The following SMG1 variants were observed in gnomAD, a reference collection of about 807,000 sequenced individuals.
The protein encoded by SMG1 is SMG1 nonsense mediated mRNA decay associated PI3K related kinase.
A neutral mutation model predicts 419.9 loss-of-function variants in SMG1; 22 were observed. That is an observed-to-expected ratio of 0.05 (90% CI 0.04 to 0.07). SMG1 has a LOEUF of 0.07. Ranked by LOEUF, SMG1 falls within the 10% of genes least tolerant of loss-of-function variation. The pLI is 1.00. For missense variants in SMG1, 3,185 were observed against 4,342.0 expected (o/e 0.73, Z 7.49); for synonymous variants, 1,538 against 1,553.5 (o/e 0.99, Z 0.23).
intron 30 of SMG1, 99 bp from the exon 31 acceptor site, chr16:18,853,966 C>T (rs1405931481): frequency 2.7e-6 from 3 of 1,111,112 alleles, no homozygotes; most frequent in East Asian, 2.6e-5. Flanking sequence ...GTGATGACAC[C>T]ACCATGTTGA....
At chr16:18,912,204 A>G (rs976117090) in intron 1 of SMG1, among the ~76,000 whole-genome samples, 13 of 150,414 alleles carry the variant, frequency 8.6e-5, no homozygotes, top group Admixed American at 5.3e-4. Flanking sequence ...TTTTTTTTGA[A>G]AAAGAAAAGG....
intron 39 of SMG1, among the ~76,000 whole-genome samples, chr16:18,844,284 C>G (rs1309287243): frequency 6.6e-6 from 1 of 151,810 alleles, no homozygotes; most frequent in Admixed American, 6.6e-5. Context: ...CAAAAATTAG[C>G]CAAGCATGGT....
rs1016474126 is a variant in SMG1 at position 18,807,730 on chromosome 16, G to A, written c.*1839C>T. 5.3e-5 allele frequency: 8 copies of A among 151,948 alleles called. No individual in the cohort carries two copies. The highest frequency in any genetic ancestry group is 1.9e-4 in the African/African-American group (8 of 41,346). 9.4% of individuals were successfully genotyped at this position (151,948 alleles called of 1,614,324 possible). On this transcript the variant is annotated 3_prime_UTR_variant, in exon 63 of 63. Transcript: ENST00000446231. ...CACTGTCCTAATCTCTAAAATGCAG[G>A]GAAAATGTACTCAAACAATTTTTTT...
At chr16:18,814,662 C>T in intron 60 of SMG1, among the ~76,000 whole-genome samples, 1 of 151,832 alleles carries the variant, frequency 6.6e-6, no homozygotes, top group East Asian at 1.9e-4. Flanking sequence ...GTAACCTCCA[C>T]CTCCCGGGTT....
rs780522672 is a variant in SMG1, at chr16:18,834,895, G to T, written c.8327C>A (p.Thr2776Lys). 3 of 1,612,556 alleles carry T rather than the reference G, an allele frequency of 1.9e-6. 1 individual carries two copies. The Admixed American group carries it at 5.0e-5, about 27-fold the overall frequency. The change falls in exon 49 of 63, where the codon ACA becomes AAA. Residue 2776 changes from threonine to lysine, a missense_variant. By Grantham distance (78) the Thr-to-Lys change is moderately conservative. Around this residue, in one of 27 missense-constraint regions of SMG1, gnomAD observed 412 missense variants for 546.6 expected, o/e 0.75. Coordinates refer to ENST00000446231, the MANE Select transcript of SMG1 (RefSeq NM_015092.5). ...SVIISALCTLTRRNLMMEGAA... is the reference protein window; with the variant it reads ...SVIISALCTLKRRNLMMEGAA... ...AATATGAAGTTGGCTAACTTACCTTGTAAGGGTACAAAGGGCAGAAATAAT... is the reference window on the plus strand; with the variant it reads ...AATATGAAGTTGGCTAACTTACCTTTTAAGGGTACAAAGGGCAGAAATAAT...
intron 60 of SMG1, among the ~76,000 whole-genome samples, chr16:18,814,871 C>T (rs2031847052): frequency 7.3e-6 from 1 of 137,000 alleles, no homozygotes; most frequent in South Asian, 2.4e-4. Flanking sequence ...AGCCACCTCG[C>T]CCGGCCTTTT....
intron 1 of SMG1, among the ~76,000 whole-genome samples, chr16:18,924,644 G>A (rs1023910814): frequency 6.6e-6 from 1 of 152,028 alleles, no homozygotes; most frequent in African/African-American, 2.4e-5. Flanking sequence ...ACAAGTCAAC[G>A]CTGTTTATCG....
chr16:18,855,414 C>T (rs2034842479), intron 29 of SMG1, among the ~76,000 whole-genome samples: 1 of 152,206 alleles, frequency 6.6e-6, no homozygotes, highest in Admixed American at 6.5e-5. Flanking sequence ...TTTCCTGTGT[C>T]TTCAATTACC....
chr16:18,923,097 G>C (rs1248746888), intron 1 of SMG1, among the ~76,000 whole-genome samples: 1 of 152,044 alleles, frequency 6.6e-6, no homozygotes, highest in African/African-American at 2.4e-5. Context: ...ATTTACAGAA[G>C]AGTTGACTGG....
In SMG1 at chr16:18,815,451, T is replaced by G. The variant is rs1321908641; in HGVS notation, c.10503A>C (p.Thr3501=). The part of the protein sequence containing the change: ...EITPTLKELK[T]QSQSIYNNLV... ...GAAGGCATTCTTACCTCTGACTTTG[T>G]GTTTTCAGTTCTTTCAAGGTGGGAG... Residue 3501 remains threonine (T), a synonymous_variant, in exon 59 of 63, where the codon ACA becomes ACC. Transcript: ENST00000446231. 1 of 1,614,036 alleles carries G rather than the reference T, an allele frequency of 6.2e-7. No individual in the cohort carries two copies. The highest frequency in any genetic ancestry group is 1.7e-5 in the Admixed American group (1 of 60,036).
chr16:18,858,992 A>C (rs1273932960), intron 28 of SMG1, 30 bp downstream of exon 28: 2 of 1,372,552 alleles, frequency 1.5e-6, no homozygotes, highest in Admixed American at 2.5e-5. Context: ...ATTAATAGTC[A>C]TAAGAGTGTG....
At chr16:18,844,043 G>C (rs1478370960) in intron 39 of SMG1, among the ~76,000 whole-genome samples, 1 of 148,772 alleles carries the variant, frequency 6.7e-6, no homozygotes, top group Admixed American at 6.7e-5. Context: ...ACACAAACAG[G>C]GTTTACAGGG....
rs749115238 is a variant in SMG1 at position 18,845,439 on chromosome 16, G to A, written c.6209C>T (p.Pro2070Leu). ...NPAKPGSSWI[P>L]FKEIMLSLQQ... ...GGGATTATTCTGTACCTCTTTAAAT[G>A]GAATCCAGCTGCTCCCAGGCTTTGC... Residue 2070 changes from proline to leucine, a missense_variant, in exon 39 of 63, where the codon CCA becomes CTA. By Grantham distance (98) the Pro-to-Leu change is moderately conservative. Coordinates refer to ENST00000446231, the MANE Select transcript of SMG1 (RefSeq NM_015092.5). 41 of 1,613,468 alleles carry A rather than the reference G, an allele frequency of 2.5e-5. No individual in the cohort carries two copies. The African/African-American group carries it at 5.1e-4, about 20-fold the overall frequency.
intron 33 of SMG1, among the ~76,000 whole-genome samples, 191 bp downstream of exon 33, chr16:18,851,876 T>A (rs1490752669): frequency 6.6e-6 from 1 of 152,170 alleles, no homozygotes; most frequent in African/African-American, 2.4e-5. Context: ...TCTAAGGAAA[T>A]GCCTTATTTT....
At chr16:18,890,967 T>C (rs2036850639) in intron 4 of SMG1, 46 bp from the exon 5 acceptor site, 2 of 903,036 alleles carry the variant, frequency 2.2e-6, no homozygotes, top group Non-Finnish European at 3.7e-6. Flanking sequence ...TCCTATACTT[T>C]TAAGAATAGC....
At chr16:18,844,593 A>T in intron 39 of SMG1, among the ~76,000 whole-genome samples, 1 of 74,768 alleles carries the variant, frequency 1.3e-5, no homozygotes. Context: ...CGGAAACTCG[A>T]GTTTTGGCAA....
chr16:18,855,023 T>C, intron 29 of SMG1, 119 bp from the exon 30 acceptor site: 2 of 912,986 alleles, frequency 2.2e-6, no homozygotes, highest in Non-Finnish European at 3.3e-6. Flanking sequence ...GAAACAAAGA[T>C]AACTCATCCT....
At chr16:18,813,642 G>A (rs1328893389) in intron 60 of SMG1, among the ~76,000 whole-genome samples, 2 of 152,012 alleles carry the variant, frequency 1.3e-5, no homozygotes, top group Non-Finnish European at 2.9e-5. Flanking sequence ...AGTTTCTTTT[G>A]CTGTGCAGAA....
In SMG1 at chr16:18,809,119, A is replaced by C. The variant is rs1157234699; in HGVS notation, c.*450T>G. 1 of 164,016 alleles carries C rather than the reference A, an allele frequency of 6.1e-6. No homozygotes were observed. The highest frequency in any genetic ancestry group is 1.3e-5 in the Non-Finnish European group (1 of 74,638). The allele number at this position is 164,016 out of a possible 1,614,324, so 10.2% of individuals were successfully genotyped here. ...GTTACACGAGAATCTGAATGCATCA[A>C]ATCTTCCTTGGCTGTGATTTCTTCG... On this transcript the variant is annotated 3_prime_UTR_variant, in exon 63 of 63. Coordinates refer to ENST00000446231, the MANE Select transcript of SMG1 (RefSeq NM_015092.5).
Sources: gnomAD v4.1 joint callset for allele counts (sites outside exome capture counted in the v4.1 genomes callset) on GRCh38, gnomAD v4.1.1 for gene constraint, gnomAD v4.1.1 regional missense constraint, MANE v1.5 for transcripts, NCBI Gene and HGNC (gene_info 2026-07-23, HGNC 2026-07-21) for gene names.